CARMIL1: variants seen among roughly 807,000 people sequenced by gnomAD.
The protein encoded by CARMIL1 is F-actin-uncapping protein LRRC16A.
A neutral mutation model predicts 177.1 loss-of-function variants in CARMIL1; 90 were observed. The observed-to-expected ratio is 0.51, with a 90% confidence interval of 0.43 to 0.61. CARMIL1 has a LOEUF of 0.61. CARMIL1 is among the 20% of genes least tolerant of loss of function. CARMIL1 has a pLI of 0.00. For synonymous variants in CARMIL1, 577 were observed against 606.2 expected, an observed-to-expected ratio of 0.95 and a Z score of 0.71; for missense variants, 1,380 against 1,667.0, an observed-to-expected ratio of 0.83 and a Z score of 3.00.
chr6:25,537,890 T>C lies in CARMIL1; in HGVS notation c.2103T>C (p.His701=). ...GAATATGTGTGAAAGTACAAGATCA[T>C]CTCAACTCCTTACGAAATTGTGGGG... ...IDRICVKVQD[H]LNSLRNCGGD... is the part of the protein sequence containing the mutation. The change falls in exon 25 of 37, where the codon CAT becomes CAC. Residue 701 remains histidine, a synonymous_variant. Coordinates refer to ENST00000329474, the MANE Select transcript of CARMIL1 (RefSeq NM_017640.6). The C allele has an allele frequency of 1.9e-6, 3 of 1,610,314 alleles. No individual in the cohort carries two copies. Among genetic ancestry groups the C allele is most frequent in the South Asian group, 1.1e-5 (1 of 89,852 alleles).
intron 2 of CARMIL1, among the ~76,000 whole-genome samples, chr6:25,405,947 G>A (rs1395070059): frequency 6.6e-6 from 1 of 152,168 alleles, no homozygotes; most frequent in African/African-American, 2.4e-5. Context: ...GGTGGAAATA[G>A]GGTGAGAAGG....
intron 24 of CARMIL1, among the ~76,000 whole-genome samples, chr6:25,537,390 G>A (rs1363410951): frequency 6.6e-6 from 1 of 152,160 alleles, no homozygotes; most frequent in East Asian, 1.9e-4. Context: ...CCAACTGGCT[G>A]TTGGGCATCA....
intron 2 of CARMIL1, among the ~76,000 whole-genome samples, chr6:25,327,365 A>C (rs1785222428): frequency 6.6e-6 from 1 of 152,214 alleles, no homozygotes; most frequent in Non-Finnish European, 1.5e-5. Context: ...TTGTATGATG[A>C]AGCGGAGATT....
chr6:25,400,099 G>A (rs1793762311), intron 2 of CARMIL1, among the ~76,000 whole-genome samples: 1 of 152,106 alleles, frequency 6.6e-6, no homozygotes, highest in South Asian at 2.1e-4. Context: ...ATATCTGTAG[G>A]TATTGTCTGA....
intron 2 of CARMIL1, among the ~76,000 whole-genome samples, chr6:25,399,846 A>G (rs1793738156): frequency 6.6e-6 from 1 of 152,226 alleles, no homozygotes; most frequent in Admixed American, 6.5e-5. Context: ...TTTAATTCTC[A>G]TTAGATAACT....
intron 3 of CARMIL1, among the ~76,000 whole-genome samples, chr6:25,422,730 G>A (rs1795963877): frequency 6.6e-6 from 1 of 152,108 alleles, no homozygotes; most frequent in Non-Finnish European, 1.5e-5. Context: ...AAATATTCAA[G>A]CACCCTATTG....
At chr6:25,309,216 G>A (rs989724886) in intron 2 of CARMIL1, among the ~76,000 whole-genome samples, 47 of 152,040 alleles carry the variant, frequency 3.1e-4, no homozygotes, top group Non-Finnish European at 2.6e-4. Flanking sequence ...TATTAAAGAT[G>A]TAATTCAGGC....
At position 25,610,103 on chromosome 6, in the gene CARMIL1, C is replaced by T; in HGVS notation, c.3901C>T (p.Leu1301=). ...GAAAGTTGCCCTTCTTCCACCTGTCCTGAAAAAAGTTCCTTCAGACAAAGA... is the reference window on the plus strand; with the variant it reads ...GAAAGTTGCCCTTCTTCCACCTGTCTTGAAAAAAGTTCCTTCAGACAAAGA... ...SPKVALLPPV[L]KKVPSDKERD... Residue 1301 remains leucine (L), a synonymous_variant, in exon 36 of 37, where the codon CTG becomes TTG. Transcript: ENST00000329474. The T allele has an allele frequency of 1.2e-6, 2 of 1,613,896 alleles. No individual in the cohort carries two copies. The highest frequency in any genetic ancestry group is 1.7e-6 in the Non-Finnish European group (2 of 1,179,850).
intron 11 of CARMIL1, among the ~76,000 whole-genome samples, chr6:25,477,762 G>A (rs1582086992): frequency 6.7e-6 from 1 of 148,856 alleles, no homozygotes. Flanking sequence ...CAAATTCTGT[G>A]TTCTGTTTTT....
chr6:25,491,925 A>T, intron 14 of CARMIL1, 23 bp from the exon 15 acceptor site: 1 of 1,608,186 alleles, frequency 6.2e-7, no homozygotes, highest in Non-Finnish European at 8.5e-7. Flanking sequence ...CTTGAAAAGA[A>T]GAGTGCCTTA....
At chr6:25,511,096 T>A (rs464096) in intron 20 of CARMIL1, among the ~76,000 whole-genome samples, 66,321 of 151,932 alleles carry the variant, frequency 0.44, 14,867 homozygotes, top group Middle Eastern at 0.51. Flanking sequence ...AATTTTTACA[T>A]TCTAGTTGAC....
intron 12 of CARMIL1, among the ~76,000 whole-genome samples, chr6:25,483,524 C>T (rs1210551223): frequency 2.6e-5 from 4 of 151,776 alleles, no homozygotes; most frequent in African/African-American, 7.3e-5. Flanking sequence ...CCAGTACCGG[C>T]ACCACCACCA....
At chr6:25,372,303 A>C (rs1402815212) in intron 2 of CARMIL1, among the ~76,000 whole-genome samples, 5 of 152,038 alleles carry the variant, frequency 3.3e-5, no homozygotes, top group South Asian at 4.2e-4. Flanking sequence ...ATTTTGATAG[A>C]AGTTGCATTG....
Position 25,606,260 on chromosome 6 carries a change from C to T in CARMIL1, c.3834C>T (p.Thr1278=), listed in dbSNP as rs773386970. 7.4e-6 allele frequency: 12 copies of T among 1,613,376 alleles called. No individual in the cohort carries two copies. Among genetic ancestry groups the T allele is most frequent in the South Asian group, 6.6e-5 (6 of 90,970 alleles). ...ARPVIPQKPR[T]ASRPDDIPDS... The stretch of plus-strand genomic sequence containing the variant: ...CCGTCATCCCGCAGAAACCAAGAAC[C>T]GCCTCACGGCCTGGTAAGAGTTTTG... Residue 1278 remains threonine (T), a synonymous_variant, in exon 35 of 37, where the codon ACC becomes ACT. Transcript: ENST00000329474.
intron 4 of CARMIL1, among the ~76,000 whole-genome samples, chr6:25,430,570 C>T (rs568558363): frequency 1.3e-5 from 2 of 151,932 alleles, no homozygotes; most frequent in Non-Finnish European, 2.9e-5. Flanking sequence ...GCTGGGACTA[C>T]AGGCATGCAC....
intron 31 of CARMIL1, among the ~76,000 whole-genome samples, chr6:25,594,081 C>A (rs1051883236): frequency 6.6e-5 from 10 of 152,144 alleles, no homozygotes; most frequent in Admixed American, 1.3e-4. Flanking sequence ...TTCATTTCTC[C>A]ATGCACTCCC....
chr6:25,303,884 A>C (rs750293933), intron 2 of CARMIL1, among the ~76,000 whole-genome samples: 35 of 152,386 alleles, frequency 2.3e-4, no homozygotes, highest in Admixed American at 1.2e-3. Flanking sequence ...GGACTGGAAT[A>C]AAGTCAGAGA....
Position 25,587,609 on chromosome 6 carries a change from A to G in CARMIL1, c.3006+6170A>G, listed in dbSNP as rs993519818. Among the ~76,000 whole-genome samples, 4 of 152,116 alleles carry G rather than the reference A, an allele frequency of 2.6e-5. No homozygotes were observed. The South Asian group carries it at 8.3e-4, about 32-fold the overall frequency. ...TATATTTGTTTTTGCTTTTGTACCC[A>G]TTCTCCCTTTTCTACACTTAAATGG... is the stretch of plus-strand genomic sequence containing the variant. On this transcript the variant is annotated intron_variant, in intron 31 of 36. Transcript: ENST00000329474.
intron 2 of CARMIL1, among the ~76,000 whole-genome samples, chr6:25,343,119 A>G (rs1787117835): frequency 1.3e-5 from 2 of 152,208 alleles, no homozygotes; most frequent in African/African-American, 4.8e-5. Flanking sequence ...GGAATGTTTT[A>G]TAGTATCCAG....
Sources: gnomAD v4.1 joint callset for allele counts (sites outside exome capture counted in the v4.1 genomes callset) on GRCh38, gnomAD v4.1.1 for gene constraint, MANE v1.5 for transcripts, NCBI Gene and HGNC (gene_info 2026-07-23, HGNC 2026-07-21) for gene names.